Variants in CORIN observed in about 807,000 individuals in gnomAD.
CORIN encodes the protein corin, serine peptidase.
A neutral mutation model predicts 125.3 loss-of-function variants in CORIN; 117 were observed. The ratio of observed to expected loss-of-function variants is 0.93; its 90% CI spans 0.80 to 1.09. The LOEUF (loss-of-function observed/expected upper bound fraction) is 1.09. CORIN is among the 50% of genes least tolerant of loss of function. The probability of loss-of-function intolerance (pLI) is 0.00; values close to 1 mark genes in which losing one functional copy is unlikely to be tolerated. For synonymous variants in CORIN, 450 were observed against 466.4 expected (o/e 0.96, Z 0.45); for missense variants, 1,253 against 1,306.7 (o/e 0.96, Z 0.63).
intron 5 of CORIN, among the ~76,000 whole-genome samples, chr4:47,732,712 C>T (rs186258224): frequency 1.9e-3 from 293 of 152,192 alleles, no homozygotes; most frequent in African/African-American, 6.5e-3. Context: ...TACAGGCACA[C>T]GCCACCACGC....
chr4:47,668,708 G>C (rs1003415298), intron 10 of CORIN, among the ~76,000 whole-genome samples: 1 of 152,112 alleles, frequency 6.6e-6, no homozygotes, highest in Non-Finnish European at 1.5e-5. Flanking sequence ...CATATCGCAT[G>C]AATAATTTTT....
At chr4:47,745,610 G>C (rs1462738460) in intron 4 of CORIN, among the ~76,000 whole-genome samples, 2 of 152,202 alleles carry the variant, frequency 1.3e-5, no homozygotes, top group Non-Finnish European at 2.9e-5. Context: ...AGCAGGAATA[G>C]AATCCTGGTG....
chr4:47,603,233 G>A (rs1721516608), intron 20 of CORIN, among the ~76,000 whole-genome samples, 164 bp downstream of exon 20: 2 of 152,240 alleles, frequency 1.3e-5, no homozygotes, highest in African/African-American at 4.8e-5. Flanking sequence ...GCTGCCATGT[G>A]AAGAAGGACA....
intron 15 of CORIN, among the ~76,000 whole-genome samples, chr4:47,642,325 C>T (rs1045541293): frequency 3.3e-5 from 5 of 152,142 alleles, no homozygotes; most frequent in African/African-American, 1.2e-4. Context: ...TAGAAGACAG[C>T]CAGAGCCAGG....
rs79401746 is a variant in CORIN, at chr4:47,634,931, G to A, written c.2198+6989C>T. 7.2e-5 allele frequency among the ~76,000 whole-genome samples: 11 copies of A among 152,318 alleles called. No homozygotes were observed. The East Asian group carries it at 1.4e-3, about 19-fold the overall frequency. ...CAGAGAAGCAACACAATATGTGCCC[G>A]CTGCATGTGATCTTAATTGAAATGT... On this transcript the variant is annotated intron_variant, in intron 16 of 21. Transcript: ENST00000273857.
At chr4:47,620,203 A>G (rs1270298301) in intron 19 of CORIN, among the ~76,000 whole-genome samples, 1 of 152,258 alleles carries the variant, frequency 6.6e-6, no homozygotes, top group Admixed American at 6.5e-5. Flanking sequence ...AACTACAGGT[A>G]TGTGCTGGAA....
chr4:47,832,265 G>C (rs1454200415), intron 1 of CORIN, among the ~76,000 whole-genome samples: 1 of 152,148 alleles, frequency 6.6e-6, no homozygotes, highest in East Asian at 1.9e-4. Context: ...TCACTTGTCA[G>C]TGATTTATAC....
At chr4:47,613,785 A>G (rs1161858551) in intron 19 of CORIN, among the ~76,000 whole-genome samples, 1 of 123,032 alleles carries the variant, frequency 8.1e-6, no homozygotes, top group Non-Finnish European at 1.7e-5. Flanking sequence ...AGGAAGGGGA[A>G]CATCACACTC....
intron 16 of CORIN, among the ~76,000 whole-genome samples, chr4:47,638,882 A>G (rs1240264741): frequency 1.3e-5 from 2 of 152,202 alleles, no homozygotes; most frequent in Admixed American, 1.3e-4. Flanking sequence ...CAAATTCAAC[A>G]AAGAACTCTA....
At chr4:47,673,505 G>T (rs1323760022) in intron 10 of CORIN, among the ~76,000 whole-genome samples, 3 of 152,088 alleles carry the variant, frequency 2.0e-5, no homozygotes, top group Non-Finnish European at 4.4e-5. Flanking sequence ...AGTATAACAT[G>T]AAAACAGAGC....
intron 1 of CORIN, among the ~76,000 whole-genome samples, chr4:47,823,977 CG>C (rs1466021401): frequency 6.6e-6 from 1 of 152,164 alleles, no homozygotes; most frequent in Non-Finnish European, 1.5e-5. Flanking sequence ...ATGTGGCTGA[CG>C]TGCTGCTGTC....
chr4:47,742,409 A>T (rs1341721374), intron 5 of CORIN, among the ~76,000 whole-genome samples: 1 of 152,052 alleles, frequency 6.6e-6, no homozygotes, highest in African/African-American at 2.4e-5. Flanking sequence ...GACAAATTAT[A>T]AAAATTGTTG....
intron 5 of CORIN, among the ~76,000 whole-genome samples, chr4:47,732,766 T>A (rs1447130168): frequency 6.6e-6 from 1 of 152,156 alleles, no homozygotes. Context: ...TTCACTATGT[T>A]GGCCAGGCTG....
chr4:47,814,216 A>C (rs1375296345), intron 1 of CORIN, among the ~76,000 whole-genome samples: 2 of 152,186 alleles, frequency 1.3e-5, no homozygotes, highest in Non-Finnish European at 2.9e-5. Context: ...AACAGGACAC[A>C]GAAGCTCCCT....
intron 5 of CORIN, among the ~76,000 whole-genome samples, chr4:47,733,008 G>C (rs1482167180): frequency 1.3e-5 from 2 of 152,026 alleles, no homozygotes; most frequent in African/African-American, 2.4e-5. Context: ...CTCTCCACTG[G>C]CCTATGAACT....
chr4:47,722,252 G>A (rs1305853661), intron 5 of CORIN, among the ~76,000 whole-genome samples: 1 of 152,176 alleles, frequency 6.6e-6, no homozygotes, highest in African/African-American at 2.4e-5. Flanking sequence ...TGTTTCCTTA[G>A]AGATATACAA....
chr4:47,622,725 A>G (rs1722372000), intron 19 of CORIN, among the ~76,000 whole-genome samples: 1 of 152,190 alleles, frequency 6.6e-6, no homozygotes, highest in Non-Finnish European at 1.5e-5. Flanking sequence ...CCTCTCCAGC[A>G]AGAAGGAATT....
chr4:47,623,948 C>T lies in CORIN; in HGVS notation c.2316G>A (p.Gly772=), dbSNP rs1374008041. The T allele has an allele frequency of 6.2e-7, 1 of 1,612,786 alleles. No individual in the cohort carries two copies. Among genetic ancestry groups the T allele is most frequent in the African/African-American group, 1.3e-5 (1 of 75,030 alleles). ...GTTLHELLVN[G]QSCESRSKIS... is the part of the protein sequence containing the mutation. Reference sequence around the variant, plus strand: ...TTTTACTTCTGCTCTCACAAGACTGCCTGGATTTGGAAACATAAAATGGTA... The same window carrying T: ...TTTTACTTCTGCTCTCACAAGACTGTCTGGATTTGGAAACATAAAATGGTA... Residue 772 remains glycine (G), a splice_region_variant and synonymous_variant, in exon 18 of 22, where the codon GGG becomes GGA. Transcript: ENST00000273857.
In CORIN at chr4:47,806,770, A is replaced by G. The variant is rs559548470; in HGVS notation, c.208+133T>C. ...ACAGTAGCTGAAACTGCAGATTTGC[A>G]TAACGTCATCAAAAGATAATCCTCT... is the stretch of plus-strand genomic sequence containing the variant. On this transcript the variant is annotated intron_variant, in intron 2 of 21. Coordinates refer to ENST00000273857, the MANE Select transcript of CORIN (RefSeq NM_006587.4). 4.1e-5 allele frequency: 36 copies of G among 885,636 alleles called. 1 individual carries two copies. In the South Asian group the frequency reaches 7.6e-4, roughly 19 times the overall value. The allele number at this position is 885,636 out of a possible 1,614,324, so 54.9% of individuals were successfully genotyped here. A position where few individuals can be genotyped will look rare whatever the true frequency, so the allele number is the denominator to read the frequency against.
Sources: gnomAD v4.1 joint callset for allele counts (sites outside exome capture counted in the v4.1 genomes callset) on GRCh38, gnomAD v4.1.1 for gene constraint, MANE v1.5 for transcripts, NCBI Gene and HGNC (gene_info 2026-07-23, HGNC 2026-07-21) for gene names.